CRYBG1: variants seen among roughly 807,000 people sequenced by gnomAD.
CRYBG1 encodes the protein beta/gamma crystallin domain-containing protein 1.
CRYBG1 carries 139 observed loss-of-function variants against 189.2 expected under a neutral mutation model. That is an observed-to-expected ratio of 0.73 (90% CI 0.64 to 0.85). The LOEUF is 0.85. CRYBG1 is among the 40% of genes least tolerant of loss of function. The pLI, the probability that CRYBG1 is intolerant of heterozygous loss-of-function variation, is 0.00. For synonymous variants in CRYBG1, 1,023 were observed against 1,017.1 expected (o/e 1.01, Z -0.11); for missense variants, 2,611 against 2,675.8 (o/e 0.98, Z 0.53).
At chr6:106,466,146 T>C (rs1183748123) in intron 2 of CRYBG1, among the ~76,000 whole-genome samples, 4 of 152,190 alleles carry the variant, frequency 2.6e-5, no homozygotes, top group African/African-American at 9.7e-5. Context: ...TAAAAAAGGA[T>C]ATTTGAAATA....
At chr6:106,371,164 T>C (rs577396539) in intron 1 of CRYBG1, among the ~76,000 whole-genome samples, 8 of 152,356 alleles carry the variant, frequency 5.3e-5, no homozygotes, top group African/African-American at 1.9e-4. Flanking sequence ...GAAGTAATGC[T>C]GGTGCTGTGA....
At chr6:106,467,384 A>T (rs1207454899) in intron 2 of CRYBG1, among the ~76,000 whole-genome samples, 1 of 152,046 alleles carries the variant, frequency 6.6e-6, no homozygotes, top group Non-Finnish European at 1.5e-5. Context: ...AGGCAGGAGG[A>T]TTGCTTGAGC....
Position 106,570,468 on chromosome 6 carries a change from G to A in CRYBG1, c.*1902G>A, listed in dbSNP as rs1775027674. The stretch of plus-strand genomic sequence containing the variant: ...TTAACTATGTTGATGAAATCTGAGA[G>A]TCCATTCAGTAGCCCTCATCTCACC... On this transcript the variant is annotated 3_prime_UTR_variant, in exon 22 of 22. Coordinates refer to ENST00000633556, the MANE Select transcript of CRYBG1 (RefSeq NM_001371242.2). 1 of 152,252 alleles carries A rather than the reference G, an allele frequency of 6.6e-6. No homozygotes were observed. The highest frequency in any genetic ancestry group is 2.1e-4 in the South Asian group (1 of 4,818). 9.4% of individuals were successfully genotyped at this position (152,252 alleles called of 1,614,324 possible).
intron 2 of CRYBG1, among the ~76,000 whole-genome samples, chr6:106,477,955 G>C (rs1030748814): frequency 9.9e-5 from 15 of 152,274 alleles, no homozygotes; most frequent in African/African-American, 3.6e-4. Flanking sequence ...ACAGGGCAGA[G>C]AAAAGCTCAG....
chr6:106,461,682 G>A (rs553892929), intron 2 of CRYBG1, among the ~76,000 whole-genome samples: 85 of 152,236 alleles, frequency 5.6e-4, no homozygotes, highest in African/African-American at 2.0e-3. Flanking sequence ...GGGACTATTG[G>A]CACCATATTG....
intron 1 of CRYBG1, among the ~76,000 whole-genome samples, chr6:106,382,506 C>T (rs760869079): frequency 5.3e-5 from 8 of 152,000 alleles, no homozygotes; most frequent in Non-Finnish European, 8.8e-5. Flanking sequence ...GTGAAAACTC[C>T]CTATTGCTTT....
chr6:106,535,472 C>A (rs1562109307), intron 8 of CRYBG1, among the ~76,000 whole-genome samples: 1 of 152,112 alleles, frequency 6.6e-6, no homozygotes, highest in Non-Finnish European at 1.5e-5. Context: ...GATATCATGA[C>A]CCTTCATTCC....
At chr6:106,457,010 G>T (rs1170532983) in intron 2 of CRYBG1, 1 of 152,140 alleles carries the variant, frequency 6.6e-6, no homozygotes, top group Non-Finnish European at 1.5e-5. Flanking sequence ...CATCCTACAA[G>T]AAGTAAGACC....
chr6:106,544,691 A>G lies in CRYBG1; in HGVS notation c.5160A>G (p.Ile1720Met), dbSNP rs987622480. ...YNGELQSLRP[I>M]LGDFSNAHMI... ...GAGAGCTTCAGTCTTTACGACCTAT[A>G]TTAGGTGTAAGTAAAGGACAAGCTA... Residue 1720 changes from isoleucine (I) to methionine (M), a missense_variant, in exon 12 of 22, where the codon ATA becomes ATG. Around this residue, in one of 3 missense-constraint regions of CRYBG1, gnomAD observed 1,622 missense variants for 1,735.0 expected, o/e 0.93. Transcript: ENST00000633556. 3 of 1,613,584 alleles carry G rather than the reference A, an allele frequency of 1.9e-6. No individual in the cohort carries two copies. The highest frequency in any genetic ancestry group is 1.7e-6 in the Non-Finnish European group (2 of 1,179,858).
chr6:106,522,239 C>A (rs1773626706), intron 4 of CRYBG1, among the ~76,000 whole-genome samples: 1 of 152,148 alleles, frequency 6.6e-6, no homozygotes, highest in Admixed American at 6.5e-5. Flanking sequence ...TTTCTTAATC[C>A]TTCTCTCTGT....
At chr6:106,458,058 T>C (rs9400007) in intron 2 of CRYBG1, among the ~76,000 whole-genome samples, 10,434 of 152,338 alleles carry the variant, frequency 0.068, 562 homozygotes, top group East Asian at 0.26. Flanking sequence ...TTTTACTGTG[T>C]ACTTTTTAAT....
intron 1 of CRYBG1, among the ~76,000 whole-genome samples, chr6:106,400,214 G>A (rs896027347): frequency 8.6e-5 from 13 of 151,310 alleles, no homozygotes; most frequent in Non-Finnish European, 1.9e-4. Flanking sequence ...TCCTGGGCTC[G>A]AGTAATGCTC....
At chr6:106,407,592 T>C (rs373049162) in intron 1 of CRYBG1, among the ~76,000 whole-genome samples, 80 of 152,190 alleles carry the variant, frequency 5.3e-4, no homozygotes, top group African/African-American at 1.7e-3. Context: ...CAGCACCACA[T>C]CACACTTATT....
intron 1 of CRYBG1, among the ~76,000 whole-genome samples, chr6:106,365,013 CTTTGGAG>C (rs978804206): frequency 6.6e-6 from 1 of 152,144 alleles, no homozygotes; most frequent in African/African-American, 2.4e-5. Context: ...CTTATGCCTC[CTTTGGAG>C]TAGGAATTTT....
intron 2 of CRYBG1, among the ~76,000 whole-genome samples, chr6:106,477,377 T>A (rs1406594551): frequency 2.0e-5 from 3 of 152,200 alleles, no homozygotes; most frequent in African/African-American, 7.2e-5. Flanking sequence ...ACGTTTGCTT[T>A]GTGCTTTCAG....
intron 13 of CRYBG1, 23 bp from the exon 14 acceptor site, chr6:106,551,829 A>C: frequency 1.9e-6 from 3 of 1,608,378 alleles, no homozygotes; most frequent in South Asian, 1.1e-5. Context: ...GAACTCCAAC[A>C]AGTGATTGCT....
chr6:106,441,319 A>G (rs545493795), intron 1 of CRYBG1, among the ~76,000 whole-genome samples: 12 of 152,298 alleles, frequency 7.9e-5, no homozygotes, highest in African/African-American at 1.9e-4. Flanking sequence ...GCATCTTTGC[A>G]AGGACAACTT....
At chr6:106,483,374 GTGTGTA>G (rs1162300818) in intron 2 of CRYBG1, among the ~76,000 whole-genome samples, 3 of 120,100 alleles carry the variant, frequency 2.5e-5, no homozygotes, top group African/African-American at 7.9e-5. Context: ...GTGTGTGTGT[GTGTGTA>G]TATATATATA....
chr6:106,529,217 A>G (rs1371110358), intron 7 of CRYBG1, among the ~76,000 whole-genome samples: 1 of 152,138 alleles, frequency 6.6e-6, no homozygotes, highest in African/African-American at 2.4e-5. Context: ...AAGGGCTGAG[A>G]TTACAGGCAT....
Sources: gnomAD v4.1 joint callset for allele counts (sites outside exome capture counted in the v4.1 genomes callset) on GRCh38, gnomAD v4.1.1 for gene constraint, gnomAD v4.1.1 regional missense constraint, MANE v1.5 for transcripts, NCBI Gene and HGNC (gene_info 2026-07-23, HGNC 2026-07-21) for gene names.